Variants in DDX24 observed in about 807,000 individuals in gnomAD.
DDX24 encodes DEAD-box helicase 24, also known as ATP-dependent RNA helicase DDX24.
In DDX24, 24 loss-of-function variants were observed where a neutral mutation model predicts 68.9. The observed-to-expected ratio is 0.35, with a 90% CI of 0.25 to 0.49. DDX24 has a LOEUF of 0.49. Among genes scored for constraint, DDX24 ranks in the 20% least tolerant of loss-of-function variants. The pLI, the probability that DDX24 is intolerant of heterozygous loss-of-function variation, is 0.99. For missense variants in DDX24, 989 were observed against 1,039.0 expected, an observed-to-expected ratio of 0.95 and a Z score of 0.66; for synonymous variants, 395 against 385.2, an observed-to-expected ratio of 1.03 and a Z score of -0.30.
At chr14:94,059,986 G>T in intron 5 of DDX24, 112 bp downstream of exon 5, 2 of 1,302,642 alleles carry the variant, frequency 1.5e-6, no homozygotes, top group African/African-American at 1.5e-5. Flanking sequence ...CTACTACTGA[G>T]ACAAGGCCCC....
At chr14:94,072,275 A>T (rs1430785559) in intron 2 of DDX24, among the ~76,000 whole-genome samples, 1 of 152,224 alleles carries the variant, frequency 6.6e-6, no homozygotes, top group Non-Finnish European at 1.5e-5. Context: ...GCAGCCATAA[A>T]AAGGAATGGA....
At chr14:94,064,835 C>G (rs1885667982) in intron 2 of DDX24, among the ~76,000 whole-genome samples, 1 of 152,170 alleles carries the variant, frequency 6.6e-6, no homozygotes, top group Middle Eastern at 3.2e-3. Flanking sequence ...GCCAAGCTGA[C>G]CAGAAGTACC....
chr14:94,060,774 T>C, intron 4 of DDX24, 139 bp downstream of exon 4: 1 of 1,472,708 alleles, frequency 6.8e-7, no homozygotes, highest in East Asian at 2.3e-5. Flanking sequence ...CATGCACTCT[T>C]GGCTTTCTAA....
At chr14:94,077,901 A>C (rs1885977318) in intron 2 of DDX24, among the ~76,000 whole-genome samples, 1 of 151,992 alleles carries the variant, frequency 6.6e-6, no homozygotes, top group African/African-American at 2.4e-5. Context: ...AAAATATCTC[A>C]CTAGTTTTTA....
intron 1 of DDX24, among the ~76,000 whole-genome samples, chr14:94,079,963 T>C (rs764983316): frequency 6.6e-6 from 1 of 152,050 alleles, no homozygotes; most frequent in Non-Finnish European, 1.5e-5. Context: ...CAAAGACATA[T>C]GAGCTAGACC....
chr14:94,062,032 C>T, intron 3 of DDX24, 65 bp downstream of exon 3: 1 of 1,491,360 alleles, frequency 6.7e-7, no homozygotes, highest in South Asian at 1.3e-5. Flanking sequence ...ACAGCTCATT[C>T]ATCTTTACCA....
In DDX24 at chr14:94,062,439, C is replaced by T. The variant is rs1459874599; in HGVS notation, c.901G>A (p.Asp301Asn). ...AEAESDALPD[D>N]TVIESEALPS... ...AGTGCTTCACTCTCAATTACAGTAT[C>T]GTCAGGCAATGCATCAGACTCAGCT... Residue 301 changes from aspartate to asparagine, a missense_variant, in exon 3 of 9, where the codon GAT (aspartate) becomes AAT (asparagine). Physicochemically the swap from Asp to Asn is conservative, Grantham distance 23 (BLOSUM62 1). Coordinates refer to ENST00000621632, the MANE Select transcript of DDX24 (RefSeq NM_020414.4). 6.8e-6 allele frequency: 11 copies of T among 1,614,196 alleles called. No homozygotes were observed. The highest frequency in any genetic ancestry group is 6.7e-5 in the East Asian group (3 of 44,892).
At chr14:94,080,454 G>A (rs1886048671) in intron 1 of DDX24, among the ~76,000 whole-genome samples, 1 of 152,008 alleles carries the variant, frequency 6.6e-6, no homozygotes, top group Admixed American at 6.6e-5. Flanking sequence ...AAAAGACCAA[G>A]GTAAACTTTG....
intron 3 of DDX24, 136 bp from the exon 4 acceptor site, chr14:94,061,202 G>A: frequency 9.8e-7 from 1 of 1,017,786 alleles, no homozygotes; most frequent in Non-Finnish European, 1.5e-6. Context: ...TAAAAGAGCA[G>A]GCCTGGCCAG....
intron 2 of DDX24, among the ~76,000 whole-genome samples, chr14:94,076,717 T>G (rs1429391857): frequency 1.4e-5 from 2 of 148,042 alleles, no homozygotes; most frequent in East Asian, 3.9e-4. Flanking sequence ...AAAATGCAAA[T>G]TAATCTATAG....
chr14:94,072,687 G>C (rs566148607), intron 2 of DDX24, among the ~76,000 whole-genome samples: 1 of 149,878 alleles, frequency 6.7e-6, no homozygotes, highest in African/African-American at 2.5e-5. Flanking sequence ...AAAAGTAGCC[G>C]GGCATGGTGG....
At chr14:94,066,292 C>A (rs1885703264) in intron 2 of DDX24, among the ~76,000 whole-genome samples, 1 of 152,104 alleles carries the variant, frequency 6.6e-6, no homozygotes, top group Non-Finnish European at 1.5e-5. Flanking sequence ...GTACACAACT[C>A]CAGTGACCTG....
rs1885359465 is a variant in DDX24 at position 94,050,039 on chromosome 14, C to T, written c.*1152G>A. 3 of 152,172 alleles carry T rather than the reference C, an allele frequency of 2.0e-5. No individual in the cohort carries two copies. The highest frequency in any genetic ancestry group is 2.0e-4 in the Admixed American group (3 of 15,278). The allele number at this position is 152,172 out of a possible 1,614,324, so 9.4% of individuals were successfully genotyped here. A position where few individuals can be genotyped will look rare whatever the true frequency, so the allele number is the denominator to read the frequency against. On this transcript the variant is annotated 3_prime_UTR_variant, in exon 9 of 9. Transcript: ENST00000621632. ...GTGTATCCTCTTCAATTCCCTAGCA[C>T]CCCTTGAACTAAACAGCTGTATTGT...
In DDX24 at chr14:94,079,047, G is replaced by A. The variant is rs370731446; in HGVS notation, c.696C>T (p.Asp232=). Residue 232 remains aspartate, a synonymous_variant, in exon 2 of 9, where the codon GAC becomes GAT. Coordinates refer to ENST00000621632, the MANE Select transcript of DDX24 (RefSeq NM_020414.4). ...TACCTGTCTCAGCAGCCCCAAGGAT[G>A]TCCAGTTTGTCACGGATGGCAGGTG... The part of the protein sequence containing the change: ...TLAPAIRDKL[D]ILGAAETGSG... 7.4e-5 allele frequency: 119 copies of A among 1,613,974 alleles called. 1 individual carries two copies. In the African/African-American group the frequency reaches 1.4e-3, roughly 19 times the overall value.
At chr14:94,057,522 A>C (rs747652419) in intron 6 of DDX24, 1 of 350,626 alleles carries the variant, frequency 2.9e-6, no homozygotes, top group Non-Finnish European at 5.1e-6. Flanking sequence ...ACTTCTCTAC[A>C]TCAGGGTAAC....
At chr14:94,072,234 A>C (rs1449370739) in intron 2 of DDX24, among the ~76,000 whole-genome samples, 1 of 152,246 alleles carries the variant, frequency 6.6e-6, no homozygotes, top group African/African-American at 2.4e-5. Flanking sequence ...GTAGATAAAG[A>C]AACTGTGGTA....
rs1885583188 is a variant in DDX24, at chr14:94,060,852, G to A, written c.1397+61C>T. The A allele has an allele frequency of 3.8e-6, 6 of 1,593,932 alleles. No homozygotes were observed. The African/African-American group carries it at 4.0e-5, about 11-fold the overall frequency. On this transcript the variant is annotated intron_variant, in intron 4 of 8. Coordinates refer to ENST00000621632, the MANE Select transcript of DDX24 (RefSeq NM_020414.4). The stretch of plus-strand genomic sequence containing the variant: ...GAGAAGAAGGCATTGCCCACACCAT[G>A]TCACCTAAGGCTCATTTCAGAAAAG...
intron 1 of DDX24, among the ~76,000 whole-genome samples, chr14:94,080,313 C>G (rs2141440064): frequency 6.6e-6 from 1 of 152,312 alleles, no homozygotes; most frequent in South Asian, 2.1e-4. Context: ...TGCCAAGCGT[C>G]TTAAAACCCA....
chr14:94,076,680 C>CAAAA (rs35863241), intron 2 of DDX24, among the ~76,000 whole-genome samples: 14 of 100,170 alleles, frequency 1.4e-4, no homozygotes, highest in South Asian at 1.1e-3. Flanking sequence ...GACTCCGTCT[C>CAAAA]AAAAAAAAAA....
Sources: gnomAD v4.1 joint callset for allele counts (sites outside exome capture counted in the v4.1 genomes callset) on GRCh38, gnomAD v4.1.1 for gene constraint, MANE v1.5 for transcripts, NCBI Gene and HGNC (gene_info 2026-07-23, HGNC 2026-07-21) for gene names.